CALN1: variants seen among roughly 807,000 people sequenced by gnomAD.
CALN1 encodes the protein calcium-binding protein 8.
CALN1 carries 17 observed loss-of-function variants against 30.6 expected under a neutral mutation model. The observed-to-expected ratio is 0.56, with a 90% CI of 0.38 to 0.83. The LOEUF (loss-of-function observed/expected upper bound fraction) is 0.83, where lower values mean the gene tolerates loss of function less well. CALN1 is among the 40% of genes least tolerant of loss of function. The pLI is 0.00. For missense variants in CALN1, 291 were observed against 354.9 expected, an observed-to-expected ratio of 0.82 and a Z score of 1.45; for synonymous variants, 156 against 131.4, an observed-to-expected ratio of 1.19 and a Z score of -1.28.
chr7:72,210,954 C>G (rs979868733), intron 3 of CALN1, among the ~76,000 whole-genome samples: 1 of 151,938 alleles, frequency 6.6e-6, no homozygotes, highest in African/African-American at 2.4e-5. Flanking sequence ...ACTTGGGAGG[C>G]TGAGGCAGGG....
At chr7:72,215,465 A>T (rs1049177784) in intron 3 of CALN1, among the ~76,000 whole-genome samples, 5 of 151,978 alleles carry the variant, frequency 3.3e-5, no homozygotes, top group African/African-American at 1.2e-4. Flanking sequence ...ATGGTGGCGC[A>T]TGCCTGTAAT....
chr7:72,390,142 G>A (rs187134821), intron 2 of CALN1, among the ~76,000 whole-genome samples: 235 of 151,954 alleles, frequency 1.5e-3, no homozygotes, highest in Non-Finnish European at 2.0e-3. Flanking sequence ...GAAATAAGGG[G>A]GATTGGGGCC....
intron 1 of CALN1, among the ~76,000 whole-genome samples, chr7:72,420,191 C>T (rs1807560796): frequency 6.6e-6 from 1 of 152,118 alleles, no homozygotes; most frequent in Admixed American, 6.5e-5. Context: ...CTAACATTCA[C>T]CCTTGGGTTG....
chr7:72,340,800 C>T (rs552943404), intron 2 of CALN1, among the ~76,000 whole-genome samples: 1 of 152,226 alleles, frequency 6.6e-6, no homozygotes, highest in African/African-American at 2.4e-5. Flanking sequence ...GCGGTTTCTC[C>T]CATTCCATTT....
intron 3 of CALN1, among the ~76,000 whole-genome samples, chr7:72,197,590 G>A (rs1297315195): frequency 6.6e-6 from 1 of 152,182 alleles, no homozygotes; most frequent in African/African-American, 2.4e-5. Context: ...AGCACTTTGG[G>A]AGGCTGAGGT....
chr7:72,268,793 C>CCACACACACAAACACACAAACACA (rs56386718), intron 3 of CALN1, among the ~76,000 whole-genome samples: 1 of 145,834 alleles, frequency 6.9e-6, no homozygotes, highest in East Asian at 2.0e-4. Flanking sequence ...CAAGACCCTG[C>CCACACACACAAACACACAAACACA]CACACACACA....
rs533289137 is a variant in CALN1 at position 71,927,456 on chromosome 7, C to T, written c.501+96201G>A. Among the ~76,000 whole-genome samples the T allele has an allele frequency of 2.8e-3, 426 of 152,268 alleles. 1 individual carries two copies. Among genetic ancestry groups the T allele is most frequent in the African/African-American group, 9.7e-3 (401 of 41,544 alleles). On this transcript the variant is annotated intron_variant, in intron 5 of 6. Coordinates refer to ENST00000395275, the MANE Select transcript of CALN1 (RefSeq NM_031468.4). ...AACTACTGACGTCAGGTGATCCACC[C>T]GCCTCAGCCTTCCAAAGTGCTGGGA...
chr7:72,368,144 T>C (rs1196175472), intron 2 of CALN1, among the ~76,000 whole-genome samples: 2 of 151,096 alleles, frequency 1.3e-5, no homozygotes, highest in African/African-American at 4.9e-5. Context: ...TCTGTATCTA[T>C]ATCTATGTGT....
intron 2 of CALN1, among the ~76,000 whole-genome samples, chr7:72,299,584 A>G (rs1799108105): frequency 6.6e-6 from 1 of 152,184 alleles, no homozygotes; most frequent in Admixed American, 6.5e-5. Context: ...GTATGATCAG[A>G]CAATTCACAA....
chr7:71,830,033 C>CTTTTTTT (rs67629864), intron 5 of CALN1, among the ~76,000 whole-genome samples: 2 of 136,710 alleles, frequency 1.5e-5, no homozygotes, highest in African/African-American at 2.7e-5. Context: ...GAGTAAGTTC[C>CTTTTTTT]TTTTTTTTTT....
At chr7:72,208,361 A>G (rs1012180778) in intron 3 of CALN1, among the ~76,000 whole-genome samples, 6 of 152,240 alleles carry the variant, frequency 3.9e-5, no homozygotes, top group Non-Finnish European at 8.8e-5. Context: ...TTTGGTTTCT[A>G]ATACATTTGG....
At chr7:71,945,532 G>C (rs1796361016) in intron 5 of CALN1, among the ~76,000 whole-genome samples, 1 of 152,190 alleles carries the variant, frequency 6.6e-6, no homozygotes, top group South Asian at 2.1e-4. Flanking sequence ...TGAGTGGCAG[G>C]TGAGCAAACA....
At chr7:72,079,150 G>C (rs1036123622) in intron 4 of CALN1, among the ~76,000 whole-genome samples, 3 of 152,130 alleles carry the variant, frequency 2.0e-5, no homozygotes, top group Admixed American at 2.0e-4. Context: ...GCTCACAATG[G>C]CTGAGGACCT....
At chr7:72,350,060 C>T (rs980036099) in intron 2 of CALN1, among the ~76,000 whole-genome samples, 6 of 152,096 alleles carry the variant, frequency 3.9e-5, no homozygotes, top group African/African-American at 1.4e-4. Context: ...TTTTTATAGG[C>T]CCATAAACCC....
intron 3 of CALN1, among the ~76,000 whole-genome samples, chr7:72,184,134 T>C (rs572744368): frequency 6.6e-6 from 1 of 152,324 alleles, no homozygotes; most frequent in East Asian, 1.9e-4. Context: ...CTCTAAACTC[T>C]TACTTCACTG....
At chr7:72,027,948 A>G (rs1461151551) in intron 4 of CALN1, among the ~76,000 whole-genome samples, 1 of 150,128 alleles carries the variant, frequency 6.7e-6, no homozygotes, top group African/African-American at 2.4e-5. Context: ...AGTCCCAGCT[A>G]CGTGGGAGGC....
chr7:71,873,201 A>G (rs13240253), intron 5 of CALN1, among the ~76,000 whole-genome samples: 11 of 151,810 alleles, frequency 7.2e-5, no homozygotes, highest in African/African-American at 2.7e-4. Flanking sequence ...ACAGGGTTTC[A>G]CCACGTTGGC....
At chr7:72,107,606 T>A (rs182619112) in intron 3 of CALN1, among the ~76,000 whole-genome samples, 2 of 152,096 alleles carry the variant, frequency 1.3e-5, no homozygotes, top group Non-Finnish European at 2.9e-5. Flanking sequence ...ACACAAGGAA[T>A]TGGAGGTCAC....
At position 71,992,618 on chromosome 7, in the gene CALN1, A is replaced by C. The variant is rs115943653; in HGVS notation, c.501+31039T>G. ...AGCAATCCTCCAGCCTTGACCTTCC[A>C]AACCAATGGGATTATATGTGTAAGC... is the stretch of plus-strand genomic sequence containing the variant. On this transcript the variant is annotated intron_variant, in intron 5 of 6. Coordinates refer to ENST00000395275, the MANE Select transcript of CALN1 (RefSeq NM_031468.4). Among the ~76,000 whole-genome samples, 308 of 152,286 alleles carry C rather than the reference A, an allele frequency of 2.0e-3. 2 individuals are homozygous for C. Among genetic ancestry groups the C allele is most frequent in the African/African-American group, 6.9e-3 (286 of 41,556 alleles).
Sources: gnomAD v4.1 joint callset for allele counts (sites outside exome capture counted in the v4.1 genomes callset) on GRCh38, gnomAD v4.1.1 for gene constraint, MANE v1.5 for transcripts, NCBI Gene and HGNC (gene_info 2026-07-23, HGNC 2026-07-21) for gene names.